The following FSIP1 variants were observed in gnomAD, a reference collection of about 807,000 sequenced individuals.
FSIP1 encodes the protein fibrous sheath interacting protein 1.
A neutral mutation model predicts 60.9 loss-of-function variants in FSIP1; 65 were observed. The ratio of observed to expected loss-of-function variants is 1.07; its 90% CI spans 0.87 to 1.31. The LOEUF is 1.31. Among genes scored for constraint, FSIP1 ranks in the 40% most tolerant of loss-of-function variants. FSIP1 has a pLI of 0.00. For missense variants in FSIP1, 675 were observed against 665.5 expected, an observed-to-expected ratio of 1.01 and a Z score of -0.16; for synonymous variants, 209 against 221.2, an observed-to-expected ratio of 0.94 and a Z score of 0.49.
intron 10 of FSIP1, among the ~76,000 whole-genome samples, chr15:39,629,202 C>A (rs957339491): frequency 6.6e-6 from 1 of 152,030 alleles, no homozygotes; most frequent in Non-Finnish European, 1.5e-5. Flanking sequence ...AGATTCCTGG[C>A]GCTGGGGAGG....
chr15:39,780,220 T>C (rs1396036152), intron 1 of FSIP1, among the ~76,000 whole-genome samples: 1 of 152,216 alleles, frequency 6.6e-6, no homozygotes, highest in East Asian at 1.9e-4. Flanking sequence ...AACTTGCTTT[T>C]TCACAATTAA....
At chr15:39,700,943 C>T (rs528136224) in intron 10 of FSIP1, among the ~76,000 whole-genome samples, 160 of 152,096 alleles carry the variant, frequency 1.1e-3, no homozygotes, top group Non-Finnish European at 1.6e-3. Flanking sequence ...CTTGAGCCCA[C>T]GAGTTCAAGA....
chr15:39,699,512 AAAAGTAT>A (rs1894971051), intron 10 of FSIP1, among the ~76,000 whole-genome samples: 2 of 152,242 alleles, frequency 1.3e-5, no homozygotes, highest in Admixed American at 6.5e-5. Flanking sequence ...TGTTGATAGT[AAAAGTAT>A]AATCAACCTG....
intron 10 of FSIP1, among the ~76,000 whole-genome samples, chr15:39,649,927 G>C (rs16969493): frequency 0.019 from 2,915 of 152,212 alleles, 92 homozygotes; most frequent in African/African-American, 0.067. Context: ...TGAGTGTCAG[G>C]CCTCGTGCTC....
chr15:39,774,849 T>A (rs1221380255), intron 2 of FSIP1, among the ~76,000 whole-genome samples: 1 of 152,172 alleles, frequency 6.6e-6, no homozygotes, highest in South Asian at 2.1e-4. Context: ...CTTGTGGCAG[T>A]GGCGGAAGCA....
intron 2 of FSIP1, among the ~76,000 whole-genome samples, chr15:39,774,229 TC>T (rs1235903698): frequency 1.3e-5 from 2 of 152,162 alleles, no homozygotes; most frequent in African/African-American, 4.8e-5. Context: ...ATGCCTGTAA[TC>T]CCAGCACTTT....
chr15:39,618,002 C>T lies in FSIP1; in HGVS notation c.1432G>A (p.Ala478Thr), dbSNP rs144954858. ...ADMLESEECE[A>T]SKGYYLTKAL... is the part of the protein sequence containing the mutation. ...TTAGTGAGATAGTAGCCTTTAGAAGCTTCACATTCTTCACTCTCAAGCATA... is the reference window on the plus strand; with the variant it reads ...TTAGTGAGATAGTAGCCTTTAGAAGTTTCACATTCTTCACTCTCAAGCATA... Residue 478 changes from alanine (A) to threonine (T), a missense_variant, in exon 11 of 12, where the codon GCT (alanine) becomes ACT (threonine). Coordinates refer to ENST00000350221, the MANE Select transcript of FSIP1 (RefSeq NM_152597.5). The T allele has an allele frequency of 1.4e-5, 22 of 1,614,064 alleles. No individual in the cohort carries two copies. Among genetic ancestry groups the T allele is most frequent in the Non-Finnish European group, 1.5e-5 (18 of 1,180,024 alleles).
At chr15:39,610,408 G>T (rs1006167072) in intron 11 of FSIP1, among the ~76,000 whole-genome samples, 5 of 152,160 alleles carry the variant, frequency 3.3e-5, no homozygotes, top group African/African-American at 9.7e-5. Context: ...ACGGTCAGGC[G>T]CAGTGGCTCA....
downstream of FSIP1, chr15:39,598,748 T>C (rs1381827731): frequency 6.6e-6 from 1 of 152,100 alleles, no homozygotes; most frequent in African/African-American, 2.4e-5. Context: ...TCATGTGTTG[T>C]GGGAGAGCTC....
At chr15:39,696,170 C>A (rs1458278107) in intron 10 of FSIP1, among the ~76,000 whole-genome samples, 5 of 152,052 alleles carry the variant, frequency 3.3e-5, no homozygotes, top group African/African-American at 1.2e-4. Context: ...TAGCACCTTG[C>A]AAAACTTTTC....
intron 10 of FSIP1, among the ~76,000 whole-genome samples, chr15:39,662,674 A>G (rs1893345468): frequency 6.6e-6 from 1 of 151,894 alleles, no homozygotes; most frequent in Non-Finnish European, 1.5e-5. Context: ...TTATCTTACT[A>G]TCCAACACTA....
chr15:39,707,527 C>T (rs565183647), intron 10 of FSIP1, among the ~76,000 whole-genome samples: 3 of 152,186 alleles, frequency 2.0e-5, no homozygotes, highest in Admixed American at 1.3e-4. Flanking sequence ...CAAGGCTTAC[C>T]CCTCCATCTT....
intron 10 of FSIP1, among the ~76,000 whole-genome samples, chr15:39,674,325 A>C (rs1329657893): frequency 6.6e-6 from 1 of 152,214 alleles, no homozygotes; most frequent in Admixed American, 6.5e-5. Context: ...AAGTGCTAGG[A>C]TTACAGGCGT....
chr15:39,677,797 A>C (rs1894000068), intron 10 of FSIP1, among the ~76,000 whole-genome samples: 1 of 152,150 alleles, frequency 6.6e-6, no homozygotes, highest in Non-Finnish European at 1.5e-5. Context: ...AGAGATGGAG[A>C]CCATCCTGGC....
At chr15:39,655,018 C>T (rs1417960049) in intron 10 of FSIP1, among the ~76,000 whole-genome samples, 1 of 152,126 alleles carries the variant, frequency 6.6e-6, no homozygotes, top group East Asian at 1.9e-4. Flanking sequence ...TGTGCTATTG[C>T]TTGAGCTGGC....
chr15:39,737,880 T>C (rs1896666718), intron 8 of FSIP1, among the ~76,000 whole-genome samples: 1 of 152,186 alleles, frequency 6.6e-6, no homozygotes, highest in Admixed American at 6.5e-5. Context: ...TGAGTCCATG[T>C]GTTCTCATCA....
At chr15:39,752,076 C>T (rs895673882) in intron 5 of FSIP1, among the ~76,000 whole-genome samples, 6 of 151,978 alleles carry the variant, frequency 3.9e-5, no homozygotes, top group African/African-American at 1.2e-4. Context: ...AAGTCATCAT[C>T]ATTTTCTAAA....
chr15:39,660,510 T>G (rs1186525918), intron 10 of FSIP1, among the ~76,000 whole-genome samples: 1 of 152,234 alleles, frequency 6.6e-6, no homozygotes, highest in African/African-American at 2.4e-5. Flanking sequence ...CAATTAGATT[T>G]CTTCAATCAG....
At chr15:39,637,549 A>G (rs1595559191) in intron 10 of FSIP1, among the ~76,000 whole-genome samples, 1 of 152,316 alleles carries the variant, frequency 6.6e-6, no homozygotes, top group Middle Eastern at 3.4e-3. Context: ...CAGTAAACTG[A>G]TGTTTCTATC....
Sources: gnomAD v4.1 joint callset for allele counts (sites outside exome capture counted in the v4.1 genomes callset) on GRCh38, gnomAD v4.1.1 for gene constraint, MANE v1.5 for transcripts, NCBI Gene and HGNC (gene_info 2026-07-23, HGNC 2026-07-21) for gene names.